PARD3B: variants seen among roughly 807,000 people sequenced by gnomAD.
PARD3B encodes the protein par-3 family cell polarity regulator beta.
PARD3B carries 103 observed loss-of-function variants against 130.2 expected under a neutral mutation model. The observed-to-expected ratio is 0.79, with a 90% confidence interval of 0.67 to 0.93. The LOEUF (loss-of-function observed/expected upper bound fraction) is 0.93. Ranked by LOEUF, PARD3B falls within the 40% of genes least tolerant of loss-of-function variation. The pLI is 0.00. For synonymous variants in PARD3B, 583 were observed against 553.2 expected, an observed-to-expected ratio of 1.05 and a Z score of -0.76; for missense variants, 1,609 against 1,499.2, an observed-to-expected ratio of 1.07 and a Z score of -1.21.
intron 3 of PARD3B, among the ~76,000 whole-genome samples, chr2:205,022,120 A>G (rs1311236471): frequency 1.3e-5 from 2 of 152,194 alleles, no homozygotes; most frequent in African/African-American, 2.4e-5. Flanking sequence ...TGATTCAGTT[A>G]GTTATATTTT....
chr2:205,479,450 A>G (rs1234612899), intron 20 of PARD3B, among the ~76,000 whole-genome samples: 3 of 152,206 alleles, frequency 2.0e-5, no homozygotes, highest in Admixed American at 6.5e-5. Context: ...AAACCTATGA[A>G]TGATCACCAT....
chr2:204,930,972 G>T (rs9784034), intron 2 of PARD3B, among the ~76,000 whole-genome samples: 1 of 152,024 alleles, frequency 6.6e-6, no homozygotes, highest in African/African-American at 2.4e-5. Flanking sequence ...TGATAATACA[G>T]GCTTTTGCCT....
At chr2:205,403,630 A>G (rs1445277919) in intron 19 of PARD3B, among the ~76,000 whole-genome samples, 1 of 152,192 alleles carries the variant, frequency 6.6e-6, no homozygotes, top group Non-Finnish European at 1.5e-5. Flanking sequence ...AAAAATGAAG[A>G]TTCCTGAGCC....
At chr2:204,900,927 A>G (rs936451582) in intron 2 of PARD3B, among the ~76,000 whole-genome samples, 3 of 152,134 alleles carry the variant, frequency 2.0e-5, no homozygotes, top group African/African-American at 7.2e-5. Flanking sequence ...TCTGTGGATT[A>G]CCAGGCAGGG....
At chr2:204,885,696 A>G (rs907348107) in intron 2 of PARD3B, among the ~76,000 whole-genome samples, 1 of 152,198 alleles carries the variant, frequency 6.6e-6, no homozygotes, top group Non-Finnish European at 1.5e-5. Context: ...CAATTTGTTG[A>G]GCCTGATTAG....
chr2:205,157,701 T>C (rs1349718702), intron 10 of PARD3B, among the ~76,000 whole-genome samples: 7 of 152,198 alleles, frequency 4.6e-5, no homozygotes, highest in Admixed American at 4.6e-4. Context: ...GATATAATTA[T>C]AGAGAGGAAG....
intron 1 of PARD3B, among the ~76,000 whole-genome samples, chr2:204,613,402 A>G (rs2034000202): frequency 6.6e-6 from 1 of 151,954 alleles, no homozygotes; most frequent in Admixed American, 6.6e-5. Flanking sequence ...GGGTTTTTAA[A>G]CCATTTATTG....
intron 2 of PARD3B, among the ~76,000 whole-genome samples, chr2:204,899,482 T>C (rs968042586): frequency 6.6e-6 from 1 of 152,162 alleles, no homozygotes. Flanking sequence ...TGCGTAAGCA[T>C]ACAAGCAAGG....
intron 19 of PARD3B, among the ~76,000 whole-genome samples, chr2:205,422,487 C>T (rs2047003595): frequency 6.6e-6 from 1 of 152,098 alleles, no homozygotes; most frequent in Admixed American, 6.5e-5. Flanking sequence ...ACCTTGCCTC[C>T]CTCTTAAAAA....
At chr2:205,227,624 T>A (rs78050291) in intron 15 of PARD3B, among the ~76,000 whole-genome samples, 16,142 of 152,122 alleles carry the variant, frequency 0.11, 890 homozygotes, top group African/African-American at 0.14. Flanking sequence ...TCTTTTTTTT[T>A]AAATCTATTC....
intron 19 of PARD3B, among the ~76,000 whole-genome samples, chr2:205,402,695 C>T (rs1039526068): frequency 7.9e-5 from 12 of 152,182 alleles, no homozygotes; most frequent in African/African-American, 1.4e-4. Context: ...GCTGTAAATT[C>T]ACTTCAGCTG....
At chr2:205,540,677 A>G (rs955667238) in intron 21 of PARD3B, among the ~76,000 whole-genome samples, 5 of 152,222 alleles carry the variant, frequency 3.3e-5, no homozygotes, top group Admixed American at 6.5e-5. Context: ...TGCAAAAATC[A>G]TTGCAGAAAC....
At chr2:205,273,522 T>C (rs977644324) in intron 16 of PARD3B, among the ~76,000 whole-genome samples, 2 of 152,212 alleles carry the variant, frequency 1.3e-5, no homozygotes, top group African/African-American at 2.4e-5. Context: ...GGCAGCTATC[T>C]AAAGGAGCAA....
At chr2:204,875,076 A>T (rs1370554686) in intron 2 of PARD3B, among the ~76,000 whole-genome samples, 2 of 152,108 alleles carry the variant, frequency 1.3e-5, no homozygotes, top group African/African-American at 4.8e-5. Flanking sequence ...TTAAAGTTTA[A>T]TCAAGGTTTT....
At position 205,121,812 on chromosome 2, in the gene PARD3B, C is replaced by T. The variant is rs541861997; in HGVS notation, c.1028C>T (p.Ala343Val). The T allele has an allele frequency of 4.5e-4, 731 of 1,614,132 alleles. 6 individuals are homozygous for T. The South Asian group carries it at 7.6e-3, about 17-fold the overall frequency. ...GGAACCGATAGTCCTGAAACAGATG[C>T]ATCAGCTTCCCTGCAACAAAACAAG... ...LTGTDSPETD[A>V]SASLQQNKSP... Residue 343 changes from alanine to valine, a missense_variant, in exon 8 of 23, where the codon GCA becomes GTA. By Grantham distance (64) the Ala-to-Val change is moderately conservative. Coordinates refer to ENST00000406610, the MANE Select transcript of PARD3B (RefSeq NM_001302769.2). This position sits in a 1 kb window ranked among gnomAD's most constrained non-coding sequence, Gnocchi z 5.0.
intron 22 of PARD3B, among the ~76,000 whole-genome samples, chr2:205,603,118 C>T (rs556007626): frequency 1.1e-3 from 165 of 152,234 alleles, no homozygotes; most frequent in African/African-American, 3.8e-3. Context: ...TCATTATTTA[C>T]GCAGGAGTTA....
chr2:205,594,541 G>A (rs551817103), intron 22 of PARD3B, among the ~76,000 whole-genome samples: 1 of 152,322 alleles, frequency 6.6e-6, no homozygotes, highest in South Asian at 2.1e-4. Flanking sequence ...GGAAATGTCA[G>A]TGAGAGAAGC....
chr2:205,411,228 T>C (rs961511303), intron 19 of PARD3B, among the ~76,000 whole-genome samples: 1 of 152,174 alleles, frequency 6.6e-6, no homozygotes, highest in African/African-American at 2.4e-5. Flanking sequence ...TGAGAAACCA[T>C]ATTTTAGATA....
intron 2 of PARD3B, among the ~76,000 whole-genome samples, chr2:204,719,925 C>T (rs1417672264): frequency 6.6e-6 from 1 of 152,080 alleles, no homozygotes; most frequent in African/African-American, 2.4e-5. Context: ...AAGAATGTAT[C>T]CATTCATATC....
Sources: allele counts gnomAD v4.1 joint callset (sites outside exome capture counted in the v4.1 genomes callset), GRCh38; gene constraint gnomAD v4.1.1; non-coding constraint Gnocchi (gnomAD v3.1); transcripts MANE v1.5; gene names NCBI Gene and HGNC (gene_info 2026-07-23, HGNC 2026-07-21).